The following ACAP2 variants were observed in gnomAD, a reference collection of about 807,000 sequenced individuals.
ACAP2 encodes arf-GAP with coiled-coil, ANK repeat and PH domain-containing protein 2.
In ACAP2, 39 loss-of-function variants were observed where a neutral mutation model predicts 115.8. The ratio of observed to expected loss-of-function variants is 0.34; its 90% CI spans 0.26 to 0.44. The LOEUF is 0.44. ACAP2 is among the 20% of genes least tolerant of loss of function. The probability of loss-of-function intolerance (pLI) is 1.00; values close to 1 mark genes in which losing one functional copy is unlikely to be tolerated. For synonymous variants in ACAP2, 289 were observed against 315.8 expected (o/e 0.92, Z 0.90); for missense variants, 662 against 927.6 (o/e 0.71, Z 3.72).
chr3:195,410,585 G>A (rs1023316275), intron 1 of ACAP2: 1 of 152,176 alleles, frequency 6.6e-6, no homozygotes, highest in African/African-American at 2.4e-5. Context: ...ATACAAGAAT[G>A]GGCAAAGGAT....
chr3:195,351,589 G>A (rs1731610118), intron 4 of ACAP2, among the ~76,000 whole-genome samples: 1 of 151,610 alleles, frequency 6.6e-6, no homozygotes, highest in Non-Finnish European at 1.5e-5. Flanking sequence ...AGCCTCCCCA[G>A]CAGTTGGGAC....
chr3:195,441,887 T>C (rs924183380), intron 1 of ACAP2: 4 of 152,198 alleles, frequency 2.6e-5, no homozygotes, highest in Non-Finnish European at 4.4e-5. Context: ...GCCTCTCACA[T>C]AGAAAGAAGG....
At chr3:195,352,130 C>T (rs562107927) in intron 4 of ACAP2, among the ~76,000 whole-genome samples, 7 of 152,280 alleles carry the variant, frequency 4.6e-5, no homozygotes, top group South Asian at 2.1e-4. Context: ...TGTATCTGTA[C>T]TGTACTTTTT....
chr3:195,368,390 T>C (rs1732878024), intron 4 of ACAP2, among the ~76,000 whole-genome samples: 2 of 152,184 alleles, frequency 1.3e-5, no homozygotes, highest in Non-Finnish European at 2.9e-5. Flanking sequence ...CCTCAAATGA[T>C]CCACCCATCT....
At chr3:195,301,713 A>T in intron 14 of ACAP2, 69 bp from the exon 15 acceptor site, 1 of 1,417,822 alleles carries the variant, frequency 7.1e-7, no homozygotes, top group Non-Finnish European at 9.9e-7. Flanking sequence ...GTTCTGTTTT[A>T]ACGTGACACA....
Position 195,292,253 on chromosome 3 carries a change from A to G in ACAP2, c.1953+12T>C. ...TGATTGCTACTGAAAATGTCATTGTATAAACGCATACCCCTAATACAGCCT... is the reference window on the plus strand; with the variant it reads ...TGATTGCTACTGAAAATGTCATTGTGTAAACGCATACCCCTAATACAGCCT... On this transcript the variant is annotated intron_variant, in intron 19 of 22. Transcript: ENST00000326793. 1 of 1,561,994 alleles carries G rather than the reference A, an allele frequency of 6.4e-7. No homozygotes were observed. Among genetic ancestry groups the G allele is most frequent in the Non-Finnish European group, 8.6e-7 (1 of 1,162,148 alleles).
At chr3:195,334,521 A>G (rs1195939429) in intron 7 of ACAP2, among the ~76,000 whole-genome samples, 1 of 152,164 alleles carries the variant, frequency 6.6e-6, no homozygotes, top group Non-Finnish European at 1.5e-5. Context: ...AGATGTTATA[A>G]ATCAACATGA....
intron 4 of ACAP2, among the ~76,000 whole-genome samples, chr3:195,370,625 T>C (rs558707963): frequency 3.3e-5 from 5 of 152,322 alleles, no homozygotes; most frequent in Non-Finnish European, 5.9e-5. Context: ...TCCAGTACTA[T>C]GCTGTTTTGG....
chr3:195,420,925 T>C (rs1268642611), intron 1 of ACAP2, among the ~76,000 whole-genome samples: 1 of 152,168 alleles, frequency 6.6e-6, no homozygotes, highest in African/African-American at 2.4e-5. Flanking sequence ...ATTACAGGTG[T>C]GAGCCGCCGC....
intron 2 of ACAP2, among the ~76,000 whole-genome samples, chr3:195,391,671 G>GA (rs1301826946): frequency 6.6e-6 from 1 of 151,946 alleles, no homozygotes; most frequent in Non-Finnish European, 1.5e-5. Flanking sequence ...GTAAAACTGG[G>GA]ATAATAATAG....
chr3:195,409,710 TA>T (rs1434574611), intron 1 of ACAP2, among the ~76,000 whole-genome samples: 1 of 151,296 alleles, frequency 6.6e-6, no homozygotes, highest in African/African-American at 2.4e-5. Flanking sequence ...ACCCCATCTT[TA>T]CAAAAAATAC....
intron 4 of ACAP2, among the ~76,000 whole-genome samples, chr3:195,353,987 C>T (rs916520377): frequency 6.6e-6 from 1 of 152,154 alleles, no homozygotes; most frequent in African/African-American, 2.4e-5. Context: ...CCTCTCCCTC[C>T]TCCTACCCTC....
At chr3:195,357,334 C>T (rs180934123) in intron 4 of ACAP2, among the ~76,000 whole-genome samples, 5 of 152,228 alleles carry the variant, frequency 3.3e-5, no homozygotes, top group African/African-American at 1.2e-4. Flanking sequence ...TCTAAGGTTT[C>T]CGATTGCAGG....
intron 7 of ACAP2, 84 bp downstream of exon 7, chr3:195,336,848 T>C (rs1278254117): frequency 4.7e-6 from 5 of 1,056,934 alleles, no homozygotes; most frequent in East Asian, 2.5e-5. Flanking sequence ...ATCATGTATA[T>C]AGCAGATGCT....
intron 1 of ACAP2, among the ~76,000 whole-genome samples, chr3:195,421,233 T>TGAA (rs1714165325): frequency 6.6e-6 from 1 of 152,070 alleles, no homozygotes; most frequent in African/African-American, 2.4e-5. Context: ...CCTCTAGAAG[T>TGAA]TTTCATTCAG....
chr3:195,336,960 G>T lies in ACAP2; in HGVS notation c.545C>A (p.Ser182Ter). 1 of 1,609,738 alleles carries T rather than the reference G, an allele frequency of 6.2e-7. No homozygotes were observed. The highest frequency in any genetic ancestry group is 1.1e-5 in the South Asian group (1 of 90,080). ...DYVLQINVLQ[S>*]KRRSEILKSM... ...TTTTAGGATTTCTGATCTCCTTTTT[G>T]ATTGAAGAACATTAATCTGAGGGAA... Residue 182 changes from serine to a stop codon, truncating the protein, a stop_gained, in exon 7 of 23, where the codon TCA becomes TAA. Coordinates refer to ENST00000326793, the MANE Select transcript of ACAP2 (RefSeq NM_012287.6). LOFTEE classifies it high-confidence loss of function.
intron 4 of ACAP2, among the ~76,000 whole-genome samples, chr3:195,371,305 A>G: frequency 6.6e-6 from 1 of 152,080 alleles, no homozygotes; most frequent in Non-Finnish European, 1.5e-5. Context: ...TAGGTATTTT[A>G]TTCTTTTCCT....
chr3:195,302,197 GTT>G lies in ACAP2; in HGVS notation c.1117-25_1117-24del, dbSNP rs200159635. 513 of 1,548,520 alleles carry G rather than the reference GTT, an allele frequency of 3.3e-4. 2 individuals are homozygous for G. The Middle Eastern group carries it at 7.8e-3, about 24-fold the overall frequency. ...CTTCTAAAAGAATTAAGAATTACTT[GTT>G]TTTAAAAAAAAAAAAGATTGAAATA... is the stretch of plus-strand genomic sequence containing the variant. On this transcript the variant is annotated intron_variant, in intron 13 of 22. Transcript: ENST00000326793.
chr3:195,350,445 G>C (rs1047538642), intron 4 of ACAP2, among the ~76,000 whole-genome samples: 1 of 151,950 alleles, frequency 6.6e-6, no homozygotes, highest in Non-Finnish European at 1.5e-5. Context: ...CCAGGAGTTG[G>C]AGACCAGCCT....
Sources: allele counts gnomAD v4.1 joint callset (sites outside exome capture counted in the v4.1 genomes callset), GRCh38; gene constraint gnomAD v4.1.1; transcripts MANE v1.5; gene names NCBI Gene and HGNC (gene_info 2026-07-23, HGNC 2026-07-21).